LIMCH1: variants seen among roughly 807,000 people sequenced by gnomAD.
The protein encoded by LIMCH1 is LIM and calponin homology domains-containing protein 1.
A neutral mutation model predicts 176.5 loss-of-function variants in LIMCH1; 113 were observed. The ratio of observed to expected loss-of-function variants is 0.64; its 90% CI spans 0.55 to 0.75. The LOEUF (loss-of-function observed/expected upper bound fraction) is 0.75, where lower values mean the gene tolerates loss of function less well. LIMCH1 is among the 30% of genes least tolerant of loss of function. The pLI is 0.00. For synonymous variants in LIMCH1, 619 were observed against 645.9 expected (o/e 0.96, Z 0.63); for missense variants, 1,674 against 1,814.9 (o/e 0.92, Z 1.41).
chr4:41,401,987 A>G (rs1262239940), intron 1 of LIMCH1, among the ~76,000 whole-genome samples: 4 of 152,196 alleles, frequency 2.6e-5, no homozygotes, highest in East Asian at 1.9e-4. Flanking sequence ...AACAGGGACA[A>G]TTTGACTTCC....
intron 26 of LIMCH1, 40 bp from the exon 27 acceptor site, chr4:41,684,357 T>G: frequency 6.3e-7 from 1 of 1,588,804 alleles, no homozygotes; most frequent in Non-Finnish European, 8.6e-7. Flanking sequence ...ATTCAGTTAC[T>G]TTTCTCTCTG....
chr4:41,484,165 C>G (rs2069121987), intron 1 of LIMCH1, among the ~76,000 whole-genome samples: 1 of 152,184 alleles, frequency 6.6e-6, no homozygotes, highest in Non-Finnish European at 1.5e-5. Flanking sequence ...AATTTGTGTT[C>G]ATTGCTTCTT....
rs1443611396 is a variant in LIMCH1, at chr4:41,509,620, A to G, written c.168-14789A>G. Among the ~76,000 whole-genome samples the G allele has an allele frequency of 2.0e-5, 3 of 152,302 alleles. No homozygotes were observed. The East Asian group carries it at 5.8e-4, about 29-fold the overall frequency. On this transcript the variant is annotated intron_variant, in intron 2 of 26. Coordinates refer to the LIMCH1 transcript ENST00000313860. Reference sequence around the variant, plus strand: ...CGCTCCTTTTCTGAAAAAGATCTCCAGTGAAAAAGCTGCTTTTTGTTTGAA... The same window carrying G: ...CGCTCCTTTTCTGAAAAAGATCTCCGGTGAAAAAGCTGCTTTTTGTTTGAA...
At chr4:41,615,254 T>C (rs2091934960) in intron 5 of LIMCH1, among the ~76,000 whole-genome samples, 1 of 152,184 alleles carries the variant, frequency 6.6e-6, no homozygotes, top group Admixed American at 6.5e-5. Flanking sequence ...TCATCCTGTG[T>C]TTTTCTTAAC....
At chr4:41,609,428 T>A (rs1338716700) in intron 4 of LIMCH1, among the ~76,000 whole-genome samples, 1 of 152,158 alleles carries the variant, frequency 6.6e-6, no homozygotes, top group African/African-American at 2.4e-5. Context: ...ATTTGTGGAA[T>A]GAACAGCTTC....
Position 41,650,497 on chromosome 4 carries a change from G to A in LIMCH1, c.2925G>A (p.Gln975=). The change falls in exon 18 of 32, where the codon CAG becomes CAA. Residue 975 remains glutamine, a synonymous_variant. Transcript: ENST00000503057. ...CTGCCCACTCCTTAACCAAATCCCA[G>A]ATGTTTGAAGGTGTGGCCAGAGTGC... The part of the protein sequence containing the change: ...VAPAHSLTKS[Q]MFEGVARVHG... 6.2e-7 allele frequency: 1 copy of A among 1,614,080 alleles called. No individual in the cohort carries two copies. The highest frequency in any genetic ancestry group is 8.5e-7 in the Non-Finnish European group (1 of 1,180,010).
At chr4:41,532,644 A>G (rs944436480) in intron 3 of LIMCH1, among the ~76,000 whole-genome samples, 2 of 152,152 alleles carry the variant, frequency 1.3e-5, no homozygotes, top group African/African-American at 4.8e-5. Flanking sequence ...TGCCCACTGG[A>G]GCAGGCTGGC....
chr4:41,537,152 C>T (rs1158845632), upstream of LIMCH1, among the ~76,000 whole-genome samples: 3 of 152,206 alleles, frequency 2.0e-5, no homozygotes, highest in African/African-American at 7.2e-5. Flanking sequence ...TGTCAGCCTA[C>T]CACTTGATGT....
rs555811750 is a variant in LIMCH1 at position 41,434,616 on chromosome 4, A to G, written c.97-59920A>G. Among the ~76,000 whole-genome samples the G allele has an allele frequency of 2.6e-5, 4 of 152,300 alleles. No individual in the cohort carries two copies. In the South Asian group the frequency reaches 6.2e-4, roughly 24 times the overall value. On this transcript the variant is annotated intron_variant, in intron 1 of 26. Transcript: ENST00000313860. ...ACTGCCACCTCCACCTCCCAAGTTC[A>G]GGAGATTCTCCTGCCTCAGCCTCCT...
intron 30 of LIMCH1, 97 bp downstream of exon 30, chr4:41,689,732 TTGTC>T (rs1723885119): frequency 1.3e-6 from 1 of 759,164 alleles, no homozygotes. Context: ...CTGGAGGGCT[TTGTC>T]TGTGAGGTCT....
chr4:41,518,515 T>G (rs2075814180), intron 2 of LIMCH1, among the ~76,000 whole-genome samples: 1 of 152,214 alleles, frequency 6.6e-6, no homozygotes, highest in South Asian at 2.1e-4. Context: ...AAATGCAGTC[T>G]GTGGTTGAAT....
intron 9 of LIMCH1, among the ~76,000 whole-genome samples, chr4:41,630,773 T>C (rs930675055): frequency 6.6e-6 from 1 of 152,228 alleles, no homozygotes; most frequent in Non-Finnish European, 1.5e-5. Context: ...TATGAAATGG[T>C]ATAGTATTTG....
intron 1 of LIMCH1, among the ~76,000 whole-genome samples, chr4:41,459,567 G>T (rs1430589864): frequency 6.6e-6 from 1 of 152,150 alleles, no homozygotes; most frequent in Non-Finnish European, 1.5e-5. Context: ...CTCCCAAAGG[G>T]TTGGGATTAT....
At chr4:41,586,297 A>G (rs1185511501) in intron 1 of LIMCH1, among the ~76,000 whole-genome samples, 1 of 151,786 alleles carries the variant, frequency 6.6e-6, no homozygotes, top group African/African-American at 2.4e-5. Flanking sequence ...TTTTGTAGAG[A>G]TGAGATCACA....
intron 2 of LIMCH1, among the ~76,000 whole-genome samples, chr4:41,513,998 T>C (rs2075262911): frequency 1.3e-5 from 1 of 79,114 alleles, no homozygotes. Context: ...AGAGAGAGAC[T>C]CCGTCTTAAA....
At chr4:41,671,884 CAA>C (rs34994833) in intron 22 of LIMCH1, among the ~76,000 whole-genome samples, 1,983 of 52,054 alleles carry the variant, frequency 0.038, 10 homozygotes, top group African/African-American at 0.078. Flanking sequence ...GACTTCGTCT[CAA>C]AAAAAAAAAA....
At chr4:41,478,959 C>G (rs1232147767) in intron 1 of LIMCH1, among the ~76,000 whole-genome samples, 1 of 152,164 alleles carries the variant, frequency 6.6e-6, no homozygotes, top group Non-Finnish European at 1.5e-5. Context: ...GAACTACTTT[C>G]AGCCCTAGCC....
intron 21 of LIMCH1, among the ~76,000 whole-genome samples, chr4:41,670,314 A>G (rs1194294585): frequency 2.0e-5 from 3 of 152,238 alleles, no homozygotes; most frequent in African/African-American, 7.2e-5. Context: ...TGTGTAATGT[A>G]TATGAAATAG....
At chr4:41,480,154 TCCATAAC>T (rs1452850305) in intron 1 of LIMCH1, among the ~76,000 whole-genome samples, 1 of 152,170 alleles carries the variant, frequency 6.6e-6, no homozygotes, top group Non-Finnish European at 1.5e-5. Flanking sequence ...CAATCAGACT[TCCATAAC>T]CATCTTTTAA....
Sources: gnomAD v4.1 joint callset for allele counts (sites outside exome capture counted in the v4.1 genomes callset) on GRCh38, gnomAD v4.1.1 for gene constraint, MANE v1.5 for transcripts, NCBI Gene and HGNC (gene_info 2026-07-23, HGNC 2026-07-21) for gene names.